DSCAM: variants seen among roughly 807,000 people sequenced by gnomAD.
DSCAM encodes the protein cell adhesion molecule DSCAM.
A neutral mutation model predicts 217.7 loss-of-function variants in DSCAM; 47 were observed. The observed-to-expected ratio is 0.22, with a 90% confidence interval of 0.17 to 0.28. The LOEUF is 0.28. Among genes scored for constraint, DSCAM ranks in the 10% least tolerant of loss-of-function variants. The pLI is 1.00. For synonymous variants in DSCAM, 1,056 were observed against 1,015.3 expected (o/e 1.04, Z -0.76); for missense variants, 2,080 against 2,618.3 (o/e 0.79, Z 4.49).
intron 3 of DSCAM, among the ~76,000 whole-genome samples, chr21:40,587,805 T>G (rs2076957300): frequency 1.3e-5 from 2 of 152,176 alleles, no homozygotes; most frequent in Admixed American, 1.3e-4. Flanking sequence ...TGCATTTGGT[T>G]TAGGAAATCC....
chr21:40,113,901 C>G (rs111884027), intron 20 of DSCAM, among the ~76,000 whole-genome samples: 55 of 150,788 alleles, frequency 3.6e-4, no homozygotes, highest in African/African-American at 4.6e-4. Context: ...CACTGCTCAA[C>G]GAAATAAAAG....
At chr21:40,266,910 G>C (rs1377874684) in intron 11 of DSCAM, among the ~76,000 whole-genome samples, 1 of 149,750 alleles carries the variant, frequency 6.7e-6, no homozygotes, top group Non-Finnish European at 1.5e-5. Context: ...TATTCTAAGT[G>C]AAGTAATTCA....
chr21:40,494,279 A>G (rs565082052), intron 3 of DSCAM, among the ~76,000 whole-genome samples: 9 of 152,318 alleles, frequency 5.9e-5, no homozygotes, highest in African/African-American at 1.2e-4. Flanking sequence ...AAAGAACACA[A>G]CATGACCCAA....
intron 20 of DSCAM, among the ~76,000 whole-genome samples, chr21:40,098,112 T>C (rs1169902287): frequency 1.3e-5 from 2 of 152,120 alleles, no homozygotes; most frequent in East Asian, 1.9e-4. Flanking sequence ...GGAATGGCTA[T>C]AGTAATATCA....
chr21:40,767,747 A>G (rs1367522820), intron 1 of DSCAM, among the ~76,000 whole-genome samples: 1 of 152,190 alleles, frequency 6.6e-6, no homozygotes, highest in African/African-American at 2.4e-5. Flanking sequence ...CATCACAGCT[A>G]ATTGACGGGA....
intron 15 of DSCAM, among the ~76,000 whole-genome samples, chr21:40,175,801 ACACACACG>A (rs1401337328): frequency 1.8e-5 from 2 of 109,960 alleles, no homozygotes; most frequent in African/African-American, 3.4e-5. Flanking sequence ...ACACACACAC[ACACACACG>A]CACACACACA....
At position 40,342,648 on chromosome 21, in the gene DSCAM, A is replaced by ATATATTT. The variant is rs61637421; in HGVS notation, c.1211-3234_1211-3233insAAATATA. Among the ~76,000 whole-genome samples, 56 of 80,310 alleles carry ATATATTT rather than the reference A, an allele frequency of 7.0e-4. 2 individuals carry two copies. The highest frequency in any genetic ancestry group is 9.6e-4 in the Non-Finnish European group (43 of 44,804). The allele number at this position is 80,310 out of a possible 152,430, so 52.7% of individuals were successfully genotyped here. ...TGTGTATATATATATATATATATAT[A>ATATATTT]TTTTTTTTTTTTTTTTGAGACAGTG... On this transcript the variant is annotated intron_variant, in intron 6 of 32. Coordinates refer to ENST00000400454, the MANE Select transcript of DSCAM (RefSeq NM_001389.5).
rs79512077 is a variant in DSCAM at position 40,798,896 on chromosome 21, G to C, written c.43+47723C>G. On this transcript the variant is annotated intron_variant, in intron 1 of 32. Transcript: ENST00000400454. The stretch of plus-strand genomic sequence containing the variant: ...TACAAAATTAAAGAGATTAAAATTA[G>C]AACAATTTAGATAAACAAATTTACC... Among the ~76,000 whole-genome samples, 2,098 of 152,014 alleles carry C rather than the reference G, an allele frequency of 0.014. 98 individuals carry two copies. The East Asian group carries it at 0.18, about 13-fold the overall frequency.
At chr21:40,196,555 C>T (rs1161208912) in intron 11 of DSCAM, among the ~76,000 whole-genome samples, 1 of 152,106 alleles carries the variant, frequency 6.6e-6, no homozygotes, top group Non-Finnish European at 1.5e-5. Flanking sequence ...TTTTCCCCCA[C>T]TAATTGCCAT....
chr21:40,804,203 A>G (rs957476941), intron 1 of DSCAM, among the ~76,000 whole-genome samples: 12 of 152,160 alleles, frequency 7.9e-5, no homozygotes, highest in African/African-American at 2.9e-4. Flanking sequence ...CTGAATGTGG[A>G]TGTGGCCTTG....
intron 3 of DSCAM, among the ~76,000 whole-genome samples, chr21:40,512,166 A>G (rs11911759): frequency 0.12 from 18,663 of 151,930 alleles, 2,200 homozygotes; most frequent in African/African-American, 0.31. Flanking sequence ...TTTCCCTTCC[A>G]ATTATGCATG....
chr21:40,799,185 C>T (rs189990290), intron 1 of DSCAM, among the ~76,000 whole-genome samples: 2 of 152,166 alleles, frequency 1.3e-5, no homozygotes, highest in South Asian at 4.2e-4. Flanking sequence ...TACCAAAATA[C>T]CTGTTTTACT....
intron 9 of DSCAM, among the ~76,000 whole-genome samples, chr21:40,310,155 G>A (rs530659260): frequency 6.6e-6 from 1 of 152,274 alleles, no homozygotes; most frequent in South Asian, 2.1e-4. Context: ...ACCTCCCTAT[G>A]CAATCTGAAT....
At chr21:40,791,606 TTG>T (rs1262803056) in intron 1 of DSCAM, among the ~76,000 whole-genome samples, 1 of 152,110 alleles carries the variant, frequency 6.6e-6, no homozygotes, top group Non-Finnish European at 1.5e-5. Context: ...TGAGCCGAGA[TTG>T]CGCCACTGCA....
intron 16 of DSCAM, among the ~76,000 whole-genome samples, chr21:40,150,526 G>C (rs972478219): frequency 6.6e-6 from 1 of 152,190 alleles, no homozygotes; most frequent in Non-Finnish European, 1.5e-5. Flanking sequence ...TAGGGATTTT[G>C]TATATTAAGT....
rs1344547184 is a variant in DSCAM, at chr21:40,144,558, C to A, written c.3192G>T (p.Val1064=). 6.2e-7 allele frequency: 1 copy of A among 1,614,222 alleles called. No individual in the cohort carries two copies. Among genetic ancestry groups the A allele is most frequent in the South Asian group, 1.1e-5 (1 of 91,080 alleles). Residue 1064 remains valine (V), a synonymous_variant, in exon 17 of 33, where the codon GTG becomes GTT. Coordinates refer to ENST00000400454, the MANE Select transcript of DSCAM (RefSeq NM_001389.5). The surrounding 1 kb of genome is among the most constrained non-coding windows in gnomAD (Gnocchi z 4.8). ...CCGTGCCGGCCCGGTTACAGGCCTGCACCACCAGGCCGTACTGAGTGAACT... is the reference window on the plus strand; with the variant it reads ...CCGTGCCGGCCCGGTTACAGGCCTGAACCACCAGGCCGTACTGAGTGAACT... The part of the protein sequence containing the change: ...LNKFTQYGLV[V]QACNRAGTGP...
intron 3 of DSCAM, among the ~76,000 whole-genome samples, chr21:40,553,420 A>G (rs1288080234): frequency 6.6e-6 from 1 of 152,220 alleles, no homozygotes; most frequent in Non-Finnish European, 1.5e-5. Flanking sequence ...GTGGAAATCC[A>G]CCAGGATTCC....
rs186755968 is a variant in DSCAM at position 40,426,489 on chromosome 21, G to A, written c.509-57244C>T. On this transcript the variant is annotated intron_variant, in intron 3 of 32. Coordinates refer to ENST00000400454, the MANE Select transcript of DSCAM (RefSeq NM_001389.5). ...GCATCTGTGACTACTTTCAGAAATA[G>A]GAAATTTGTCATCTCGTTATACATT... 2.4e-3 allele frequency among the ~76,000 whole-genome samples: 359 copies of A among 152,268 alleles called. 1 individual carries two copies. Among genetic ancestry groups the A allele is most frequent in the African/African-American group, 8.3e-3 (343 of 41,570 alleles).
At chr21:40,225,810 G>C (rs1270407904) in intron 11 of DSCAM, among the ~76,000 whole-genome samples, 1 of 152,138 alleles carries the variant, frequency 6.6e-6, no homozygotes, top group Non-Finnish European at 1.5e-5. Flanking sequence ...AAGGGGAGAA[G>C]AAAGTAGAGG....
Sources: allele counts gnomAD v4.1 joint callset (sites outside exome capture counted in the v4.1 genomes callset), GRCh38; gene constraint gnomAD v4.1.1; non-coding constraint Gnocchi (gnomAD v3.1); transcripts MANE v1.5; gene names NCBI Gene and HGNC (gene_info 2026-07-23, HGNC 2026-07-21).